MEMO1: variants seen among roughly 807,000 people sequenced by gnomAD.
The protein encoded by MEMO1 is mediator of cell motility 1, also known as protein MEMO1.
Under a neutral mutation model 45.2 loss-of-function variants are expected in MEMO1, and 6 were observed. The ratio of observed to expected loss-of-function variants is 0.13; its 90% CI spans 0.07 to 0.26. The LOEUF (loss-of-function observed/expected upper bound fraction) is 0.26, where lower values mean the gene tolerates loss of function less well. Among genes scored for constraint, MEMO1 ranks in the 10% least tolerant of loss-of-function variants. The pLI is 1.00. For synonymous variants in MEMO1, 78 were observed against 124.3 expected (o/e 0.63, Z 2.48); for missense variants, 184 against 370.5 (o/e 0.50, Z 4.13).
At chr2:31,916,637 T>C (rs1681485432) in intron 6 of MEMO1, among the ~76,000 whole-genome samples, 1 of 152,202 alleles carries the variant, frequency 6.6e-6, no homozygotes, top group Admixed American at 6.6e-5. Context: ...GAGAAAGTTC[T>C]GATTACAACA....
At chr2:31,890,863 T>C (rs1251565002) in intron 7 of MEMO1, among the ~76,000 whole-genome samples, 1 of 152,188 alleles carries the variant, frequency 6.6e-6, no homozygotes, top group Admixed American at 6.5e-5. Flanking sequence ...CAAAACTGTC[T>C]TCAGGAATTA....
rs2147953924 is a variant in MEMO1 at position 31,885,347 on chromosome 2, T to A, written c.581-1885A>T. Among the ~76,000 whole-genome samples, 3 of 152,328 alleles carry A rather than the reference T, an allele frequency of 2.0e-5. No homozygotes were observed. The South Asian group carries it at 6.2e-4, about 32-fold the overall frequency. On this transcript the variant is annotated intron_variant, in intron 7 of 9. Coordinates refer to ENST00000404530, the MANE Select transcript of MEMO1 (RefSeq NM_001301833.4). The stretch of plus-strand genomic sequence containing the variant: ...GTTGGCCAGGCTGGTCTCAAACTCC[T>A]GACCTAAAGTGATCCACCTGCCTTG...
intron 6 of MEMO1, among the ~76,000 whole-genome samples, chr2:31,906,796 T>C (rs1390063434): frequency 6.6e-6 from 1 of 152,212 alleles, no homozygotes; most frequent in Non-Finnish European, 1.5e-5. Flanking sequence ...CCTCTTATAC[T>C]GTATCTCTAT....
chr2:31,909,347 T>C (rs529685502), intron 6 of MEMO1, among the ~76,000 whole-genome samples: 2 of 152,300 alleles, frequency 1.3e-5, no homozygotes, highest in South Asian at 4.1e-4. Context: ...CATGGTCTTA[T>C]ATTTAGAAAA....
chr2:31,945,218 T>G (rs919086429), intron 2 of MEMO1, among the ~76,000 whole-genome samples: 1 of 152,230 alleles, frequency 6.6e-6, no homozygotes, highest in Non-Finnish European at 1.5e-5. Flanking sequence ...CCTAAATCAT[T>G]CATTTGCAGG....
Position 31,937,449 on chromosome 2 carries a change from C to T in MEMO1, c.144-5314G>A, listed in dbSNP as rs573481828. On this transcript the variant is annotated intron_variant, in intron 3 of 9. Transcript: ENST00000404530. ...CAAACAATAATTAGAGACAAATAAG[C>T]TGTGCATCCTCAGTAACTTGAAGAA... 3.9e-5 allele frequency among the ~76,000 whole-genome samples: 6 copies of T among 152,250 alleles called. No homozygotes were observed. The South Asian group carries it at 1.2e-3, about 32-fold the overall frequency.
chr2:31,923,653 G>A, intron 4 of MEMO1: 2 of 1,547,670 alleles, frequency 1.3e-6, no homozygotes, highest in Non-Finnish European at 1.7e-6. Flanking sequence ...ATCAAATAAT[G>A]AGAAAGGGCA....
chr2:31,882,008 G>C (rs756222828), intron 8 of MEMO1, among the ~76,000 whole-genome samples: 1 of 152,140 alleles, frequency 6.6e-6, no homozygotes, highest in Admixed American at 6.6e-5. Context: ...AGATGGGCTT[G>C]GTGGTAGGCG....
intron 2 of MEMO1, among the ~76,000 whole-genome samples, chr2:31,964,682 C>G (rs1363012697): frequency 6.6e-6 from 1 of 151,836 alleles, no homozygotes; most frequent in Admixed American, 6.6e-5. Flanking sequence ...GCTTGGGCAA[C>G]AGGAGCGAAA....
intron 6 of MEMO1, among the ~76,000 whole-genome samples, chr2:31,911,349 T>C (rs772506701): frequency 2.0e-5 from 3 of 152,114 alleles, no homozygotes; most frequent in Non-Finnish European, 2.9e-5. Context: ...AACTGATCAG[T>C]GGTTACTAGG....
chr2:31,939,396 AATCAACAT>A (rs1375044167), intron 3 of MEMO1, among the ~76,000 whole-genome samples: 1 of 152,206 alleles, frequency 6.6e-6, no homozygotes, highest in Non-Finnish European at 1.5e-5. Context: ...GTAACTTGGA[AATCAACAT>A]ATTTGTAATT....
chr2:31,991,161 T>TCACTGGATA (rs1671896843), intron 2 of MEMO1, among the ~76,000 whole-genome samples: 1 of 152,124 alleles, frequency 6.6e-6, no homozygotes. Flanking sequence ...GCATAAACAA[T>TCACTGGATA]CACTGGATAG....
Position 31,883,450 on chromosome 2 carries a change from C to T in MEMO1, c.593G>A (p.Arg198His), listed in dbSNP as rs764340840. ...SDFCHWGQRF[R>H]YSYYDESQGE... is the part of the protein sequence containing the mutation. The stretch of plus-strand genomic sequence containing the variant: ...CTGGGATTCATCATAGTAACTGTAA[C>T]GGAACCTTTGACCTTGAAACAAATA... The change falls in exon 8 of 10, where the codon CGT (arginine) becomes CAT (histidine). Residue 198 changes from arginine (R) to histidine (H), a missense_variant. Physicochemically the swap from Arg to His is conservative, Grantham distance 29. This residue lies in a region of MEMO1 where 97 missense variants were observed against 209.3 expected (regional missense o/e 0.46). Coordinates refer to ENST00000404530, the MANE Select transcript of MEMO1 (RefSeq NM_001301833.4). 6.3e-6 allele frequency: 10 copies of T among 1,587,610 alleles called. No individual in the cohort carries two copies. Among genetic ancestry groups the T allele is most frequent in the African/African-American group, 4.1e-5 (3 of 73,570 alleles).
Position 31,919,949 on chromosome 2 carries a change from C to CGTGTGT in MEMO1, c.325+843_325+848dup, listed in dbSNP as rs61002743. 3.2e-3 allele frequency among the ~76,000 whole-genome samples: 462 copies of CGTGTGT among 145,304 alleles called. 3 individuals carry two copies. In the South Asian group the frequency reaches 0.045, roughly 14 times the overall value. On this transcript the variant is annotated intron_variant, in intron 5 of 9. Coordinates refer to ENST00000404530, the MANE Select transcript of MEMO1 (RefSeq NM_001301833.4). ...ACATGCACATGCACACACACATACA[C>CGTGTGT]GTGTGTGTGTGTGTGTGTGTGTGTG...
chr2:32,009,974 CGG>C (rs1384514165), intron 2 of MEMO1, among the ~76,000 whole-genome samples: 1 of 150,820 alleles, frequency 6.6e-6, no homozygotes, highest in African/African-American at 2.4e-5. Context: ...CGGCCGGCCC[CGG>C]GCTGCCGGCG....
intron 2 of MEMO1, among the ~76,000 whole-genome samples, chr2:31,967,766 G>A (rs571021651): frequency 6.6e-6 from 1 of 152,268 alleles, no homozygotes; most frequent in Non-Finnish European, 1.5e-5. Context: ...TAATTTCTTA[G>A]TAAAACTTAA....
intron 2 of MEMO1, among the ~76,000 whole-genome samples, chr2:31,950,357 G>C (rs1179826648): frequency 6.6e-6 from 1 of 151,232 alleles, no homozygotes; most frequent in Non-Finnish European, 1.5e-5. Context: ...CTCCAGCCTG[G>C]GCAGCAGAGC....
rs568613441 is a variant in MEMO1, at chr2:31,935,644, G to A, written c.144-3509C>T. ...GAGGAAGAAGATAATAATCAAAGAA[G>A]ATAATTTCTTGTAATTTCCTTTATC... On this transcript the variant is annotated intron_variant, in intron 3 of 9. Coordinates refer to ENST00000404530, the MANE Select transcript of MEMO1 (RefSeq NM_001301833.4). 7.1e-4 allele frequency among the ~76,000 whole-genome samples: 108 copies of A among 152,212 alleles called. 2 individuals are homozygous for A. Among genetic ancestry groups the A allele is most frequent in the Non-Finnish European group, 1.0e-3 (68 of 68,000 alleles).
chr2:31,925,510 G>T (rs1275815626), intron 4 of MEMO1, among the ~76,000 whole-genome samples: 1 of 135,168 alleles, frequency 7.4e-6, no homozygotes, highest in Non-Finnish European at 1.6e-5. Flanking sequence ...TCTGTTCCCG[G>T]AGATACTTTC....
Sources: gnomAD v4.1 joint callset for allele counts (sites outside exome capture counted in the v4.1 genomes callset) on GRCh38, gnomAD v4.1.1 for gene constraint, gnomAD v4.1.1 regional missense constraint, MANE v1.5 for transcripts, NCBI Gene and HGNC (gene_info 2026-07-23, HGNC 2026-07-21) for gene names.